The following ZNF655 variants were observed in gnomAD, a reference collection of about 807,000 sequenced individuals.
ZNF655 encodes the protein Vav-interacting Kruppel-like protein 1.
Under a neutral mutation model 6.6 loss-of-function variants are expected in ZNF655, and 3 were observed. The observed-to-expected ratio is 0.46, with a 90% confidence interval of 0.21 to 1.18. The LOEUF is 1.18. Among genes scored for constraint, ZNF655 ranks in the 50% most tolerant of loss-of-function variants. The pLI is 0.24. For synonymous variants in ZNF655, 178 were observed against 195.0 expected, an observed-to-expected ratio of 0.91 and a Z score of 0.73; for missense variants, 526 against 572.3, an observed-to-expected ratio of 0.92 and a Z score of 0.83.
At chr7:99,559,419 C>T (rs1175247215) in intron 1 of ZNF655, among the ~76,000 whole-genome samples, 1 of 151,860 alleles carries the variant, frequency 6.6e-6, no homozygotes, top group Middle Eastern at 3.2e-3. Context: ...TAAACGCGGG[C>T]CTGTCACGGT....
At position 99,575,430 on chromosome 7, in the gene ZNF655, A is replaced by G; in HGVS notation, c.*1846A>G. ...CACGCGCCTGTAATCCCAGCTACTC[A>G]GGAGGCTGAGGCAGGAGAACTGCTT... is the stretch of plus-strand genomic sequence containing the variant. On this transcript the variant is annotated 3_prime_UTR_variant, in exon 3 of 3. Coordinates refer to ENST00000252713, the MANE Select transcript of ZNF655 (RefSeq NM_138494.3). 6.6e-6 allele frequency: 1 copy of G among 152,350 alleles called. No individual in the cohort carries two copies. The highest frequency in any genetic ancestry group is 1.5e-5 in the Non-Finnish European group (1 of 68,092). 9.4% of individuals were successfully genotyped at this position (152,350 alleles called of 1,614,324 possible).
At position 99,573,566 on chromosome 7, in the gene ZNF655, T is replaced by A; in HGVS notation, c.1458T>A (p.His486Gln). 1 of 1,602,828 alleles carries A rather than the reference T, an allele frequency of 6.2e-7. No homozygotes were observed. The highest frequency in any genetic ancestry group is 8.5e-7 in the Non-Finnish European group (1 of 1,178,618). ...RAHLVQHQSI[H>Q]TKENS is the part of the protein sequence containing the mutation. The stretch of plus-strand genomic sequence containing the variant: ...ATCTAGTTCAACATCAGAGCATTCA[T>A]ACCAAAGAGAACTCATGAATGTAAT... Residue 486 changes from histidine to glutamine, a missense_variant, in exon 3 of 3, where the codon CAT becomes CAA. Transcript: ENST00000252713.
rs746680105 is a variant in ZNF655, at chr7:99,573,185, G to A, written c.1077G>A (p.Glu359=). The A allele has an allele frequency of 4.3e-6, 7 of 1,614,012 alleles. No homozygotes were observed. Among genetic ancestry groups the A allele is most frequent in the Non-Finnish European group, 5.9e-6 (7 of 1,180,018 alleles). Residue 359 remains glutamate (E), a synonymous_variant, in exon 3 of 3, where the codon GAG becomes GAA. Transcript: ENST00000252713. ...TCCATCATGAAGAGAAAGCCTATGA[G>A]TATGATGAATATGGGTTGGCCTATA... ...QRVHHEEKAY[E]YDEYGLAYIK...
chr7:99,562,664 G>A (rs968051993), intron 2 of ZNF655, among the ~76,000 whole-genome samples: 5 of 152,110 alleles, frequency 3.3e-5, no homozygotes, highest in Non-Finnish European at 5.9e-5. Flanking sequence ...GGTAATTAAC[G>A]TTTGTTTGGG....
At chr7:99,562,473 T>G (rs755664726) in intron 2 of ZNF655, 1 of 1,613,650 alleles carries the variant, frequency 6.2e-7, no homozygotes, top group Non-Finnish European at 8.5e-7. Flanking sequence ...GTTAGAGAAT[T>G]ATGGGAACGT....
rs148708690 is a variant in ZNF655, at chr7:99,560,551, A to G, written c.-9A>G. The stretch of plus-strand genomic sequence containing the variant: ...CTTGCAGTGATGGTCATTGTCCTCC[A>G]GAGCAGTGATGGAGGAAATACCAGC... On this transcript the variant is annotated 5_prime_UTR_variant, in exon 2 of 3. Transcript: ENST00000252713. 313 of 1,613,596 alleles carry G rather than the reference A, an allele frequency of 1.9e-4. 4 individuals are homozygous for G. In the East Asian group the frequency reaches 6.7e-3, roughly 35 times the overall value.
At chr7:99,560,296 C>G (rs1803018382) in intron 1 of ZNF655, among the ~76,000 whole-genome samples, 1 of 151,858 alleles carries the variant, frequency 6.6e-6, no homozygotes, top group Non-Finnish European at 1.5e-5. Context: ...GTTGATCAGG[C>G]TGGTCTTGAA....
At chr7:99,565,161 A>C (rs950511499) in intron 2 of ZNF655, among the ~76,000 whole-genome samples, 1 of 151,724 alleles carries the variant, frequency 6.6e-6, no homozygotes, top group Non-Finnish European at 1.5e-5. Context: ...TTAACTTTTT[A>C]GGGTTGTAAG....
chr7:99,567,075 A>C (rs1803689146), intron 2 of ZNF655, among the ~76,000 whole-genome samples: 1 of 152,080 alleles, frequency 6.6e-6, no homozygotes, highest in African/African-American at 2.4e-5. Flanking sequence ...ATGCACCACC[A>C]TACCCAGCTA....
At chr7:99,561,590 C>G (rs536642235) in intron 2 of ZNF655, among the ~76,000 whole-genome samples, 10 of 152,246 alleles carry the variant, frequency 6.6e-5, no homozygotes, top group Non-Finnish European at 1.2e-4. Context: ...CTTTGCTTTG[C>G]CCATCTGCAA....
intron 2 of ZNF655, chr7:99,561,028 G>A: frequency 5.6e-6 from 1 of 179,080 alleles, no homozygotes; most frequent in Non-Finnish European, 1.2e-5. Flanking sequence ...TCCTTTCCTG[G>A]CTCTCACTTC....
chr7:99,565,461 C>T (rs762820822), intron 2 of ZNF655, among the ~76,000 whole-genome samples: 8 of 152,164 alleles, frequency 5.3e-5, no homozygotes, highest in Non-Finnish European at 7.3e-5. Flanking sequence ...TGAGCCACTG[C>T]GCCTGGCCTC....
chr7:99,559,318 C>T (rs1374946239), intron 1 of ZNF655, among the ~76,000 whole-genome samples: 1 of 152,058 alleles, frequency 6.6e-6, no homozygotes, highest in African/African-American at 2.4e-5. Context: ...ATTCGCCAAG[C>T]CCGTGTAGTA....
intron 2 of ZNF655, among the ~76,000 whole-genome samples, chr7:99,569,884 T>C (rs887671748): frequency 5.9e-5 from 9 of 152,226 alleles, no homozygotes; most frequent in African/African-American, 2.2e-4. Context: ...TGGTGAATTC[T>C]GAGATTTTAG....
At chr7:99,561,229 G>A (rs748679803) in intron 2 of ZNF655, among the ~76,000 whole-genome samples, 2 of 152,174 alleles carry the variant, frequency 1.3e-5, no homozygotes, top group South Asian at 2.1e-4. Context: ...TTTTGACTAC[G>A]CAGTCACACT....
rs1167260289 is a variant in ZNF655, at chr7:99,575,823, A to C, written c.*2239A>C. 6.6e-6 allele frequency: 1 copy of C among 152,200 alleles called. No homozygotes were observed. Among genetic ancestry groups the C allele is most frequent in the Non-Finnish European group, 1.5e-5 (1 of 68,036 alleles). The allele number at this position is 152,200 out of a possible 1,614,324, so 9.4% of individuals were successfully genotyped here. A position where few individuals can be genotyped will look rare whatever the true frequency, so the allele number is the denominator to read the frequency against. Reference sequence around the variant, plus strand: ...TCCATTACCACATTTTTGTATTTTAATAGTCTACAGGCTATATAAAAGAAC... The same window carrying C: ...TCCATTACCACATTTTTGTATTTTACTAGTCTACAGGCTATATAAAAGAAC... On this transcript the variant is annotated 3_prime_UTR_variant, in exon 3 of 3. Transcript: ENST00000252713.
chr7:99,575,324 G>C lies in ZNF655; in HGVS notation c.*1740G>C, dbSNP rs1400804317. ...GAGGCTGAGGCGGATGGATCACGAG[G>C]TCAGGCAGTCGAGACCATCCTGGCC... On this transcript the variant is annotated 3_prime_UTR_variant, in exon 3 of 3. Coordinates refer to ENST00000252713, the MANE Select transcript of ZNF655 (RefSeq NM_138494.3). The C allele has an allele frequency of 1.3e-5, 2 of 152,340 alleles. No homozygotes were observed. The highest frequency in any genetic ancestry group is 2.4e-5 in the African/African-American group (1 of 41,420). 9.4% of individuals were successfully genotyped at this position (152,340 alleles called of 1,614,324 possible). A position where few individuals can be genotyped will look rare whatever the true frequency, so the allele number is the denominator to read the frequency against.
chr7:99,573,227 T>A lies in ZNF655; in HGVS notation c.1119T>A (p.Ile373=), dbSNP rs769822747. 3 of 1,614,092 alleles carry A rather than the reference T, an allele frequency of 1.9e-6. No homozygotes were observed. The highest frequency in any genetic ancestry group is 8.5e-7 in the Non-Finnish European group (1 of 1,179,998). The change falls in exon 3 of 3, where the codon ATT becomes ATA. Residue 373 remains isoleucine, a synonymous_variant. Transcript: ENST00000252713. Reference sequence around the variant, plus strand: ...TGGCCTATATTAAACAACAAGGAATTCATTTCAGAGAAAAGCCCTATACGT... The same window carrying A: ...TGGCCTATATTAAACAACAAGGAATACATTTCAGAGAAAAGCCCTATACGT... ...YGLAYIKQQG[I]HFREKPYTCS...
intron 2 of ZNF655, chr7:99,562,133 C>A: frequency 1.3e-6 from 1 of 767,680 alleles, no homozygotes; most frequent in Non-Finnish European, 2.0e-6. Context: ...TCACATAAAC[C>A]AACTTCCCAT....
Sources: allele counts gnomAD v4.1 joint callset (sites outside exome capture counted in the v4.1 genomes callset), GRCh38; gene constraint gnomAD v4.1.1; transcripts MANE v1.5; gene names NCBI Gene and HGNC (gene_info 2026-07-23, HGNC 2026-07-21).